SPINK5: variants seen among roughly 807,000 people sequenced by gnomAD.
SPINK5 encodes the protein serine protease inhibitor Kazal-type 5.
In SPINK5, 125 loss-of-function variants were observed where a neutral mutation model predicts 151.8. The ratio of observed to expected loss-of-function variants is 0.82; its 90% CI spans 0.71 to 0.96. SPINK5 has a LOEUF of 0.96. Ranked by LOEUF, SPINK5 falls within the 40% of genes least tolerant of loss-of-function variation. The pLI, the probability that SPINK5 is intolerant of heterozygous loss-of-function variation, is 0.00. For synonymous variants in SPINK5, 374 were observed against 395.3 expected (o/e 0.95, Z 0.64); for missense variants, 1,194 against 1,291.9 (o/e 0.92, Z 1.16).
chr5:148,099,175 G>A lies in SPINK5; in HGVS notation c.1011-59G>A, dbSNP rs1426003563. 2.0e-6 allele frequency: 3 copies of A among 1,480,230 alleles called. No individual in the cohort carries two copies. The African/African-American group carries it at 4.2e-5, about 21-fold the overall frequency. 91.7% of individuals were successfully genotyped at this position (1,480,230 alleles called of 1,614,324 possible). On this transcript the variant is annotated intron_variant, in intron 11 of 32. Coordinates refer to ENST00000256084, the MANE Select transcript of SPINK5 (RefSeq NM_006846.4). The stretch of plus-strand genomic sequence containing the variant: ...GAACAGTTAACAGTGCAAGGATGTG[G>A]AGAAATCATGGCATGTGTTTGTTCC...
At chr5:148,126,222 CT>C (rs2113219137) in intron 29 of SPINK5, among the ~76,000 whole-genome samples, 1 of 152,006 alleles carries the variant, frequency 6.6e-6, no homozygotes, top group Admixed American at 6.6e-5. Flanking sequence ...ATATCAGAAT[CT>C]TGGGGCTATG....
intron 29 of SPINK5, 136 bp from the exon 30 acceptor site, chr5:148,126,847 C>CT: frequency 3.0e-6 from 2 of 674,294 alleles, no homozygotes. Context: ...CAGCCTGGGC[C>CT]TTCCAAAATG....
chr5:148,079,668 T>C (rs2113022670), intron 4 of SPINK5, among the ~76,000 whole-genome samples: 1 of 151,320 alleles, frequency 6.6e-6, no homozygotes, highest in Middle Eastern at 3.4e-3. Flanking sequence ...ATTATCTTAA[T>C]AGATGTTGAA....
At chr5:148,136,412 G>A (rs1242023185) in intron 32 of SPINK5, among the ~76,000 whole-genome samples, 2 of 152,078 alleles carry the variant, frequency 1.3e-5, no homozygotes, top group Non-Finnish European at 2.9e-5. Context: ...TCGTGCCCCA[G>A]GTGGTACTAG....
chr5:148,065,362 A>C lies in SPINK5; in HGVS notation c.71A>C (p.Asn24Thr). 3.1e-6 allele frequency: 5 copies of C among 1,613,596 alleles called. No homozygotes were observed. Among genetic ancestry groups the C allele is most frequent in the Non-Finnish European group, 4.2e-6 (5 of 1,179,810 alleles). The stretch of plus-strand genomic sequence containing the variant: ...TTCATCCCAGATGCTGCCAGTAAGA[A>C]TGAAGATCAGGTTAGTCCTGCTTTT... The part of the protein sequence containing the change: ...LCLIQDAASK[N>T]EDQEMCHEFQ... Residue 24 changes from asparagine to threonine, a missense_variant, in exon 2 of 33, where the codon AAT becomes ACT. Physicochemically the swap from Asn to Thr is moderately conservative, Grantham distance 65. Coordinates refer to ENST00000256084, the MANE Select transcript of SPINK5 (RefSeq NM_006846.4).
intron 4 of SPINK5, among the ~76,000 whole-genome samples, chr5:148,073,678 T>G (rs1015430517): frequency 1.3e-5 from 2 of 151,538 alleles, no homozygotes; most frequent in Non-Finnish European, 2.9e-5. Context: ...AACAAACCTA[T>G]CTAAAAAATA....
chr5:148,091,788 A>T (rs1397915688), intron 8 of SPINK5, among the ~76,000 whole-genome samples: 1 of 151,570 alleles, frequency 6.6e-6, no homozygotes, highest in Non-Finnish European at 1.5e-5. Context: ...AAAAAGACAA[A>T]TTTTTAGAAT....
At chr5:148,128,492 C>A (rs1371601936) in intron 30 of SPINK5, among the ~76,000 whole-genome samples, 3 of 152,024 alleles carry the variant, frequency 2.0e-5, no homozygotes, top group Non-Finnish European at 4.4e-5. Flanking sequence ...TACTGAGCAC[C>A]TGCTATTTTT....
At chr5:148,094,289 T>C in intron 8 of SPINK5, 65 bp from the exon 9 acceptor site, 1 of 1,586,266 alleles carries the variant, frequency 6.3e-7, no homozygotes, top group Non-Finnish European at 8.6e-7. Context: ...AGCAAAATCC[T>C]GTCTCAAAAA....
intron 28 of SPINK5, among the ~76,000 whole-genome samples, chr5:148,125,109 G>A (rs1005585566): frequency 6.6e-6 from 1 of 151,936 alleles, no homozygotes; most frequent in African/African-American, 2.4e-5. Context: ...AAAAGTAGAG[G>A]GTAACATTCT....
At chr5:148,102,144 G>T (rs767044798) in intron 15 of SPINK5, among the ~76,000 whole-genome samples, 3 of 152,120 alleles carry the variant, frequency 2.0e-5, no homozygotes, top group Non-Finnish European at 4.4e-5. Context: ...TATAATGTGT[G>T]ATGTCTCTTA....
At chr5:148,106,891 A>C in intron 16 of SPINK5, 146 bp from the exon 17 acceptor site, 1 of 981,658 alleles carries the variant, frequency 1.0e-6, no homozygotes, top group Non-Finnish European at 1.5e-6. Flanking sequence ...TTGATGACGG[A>C]AGCTTTGTAA....
At position 148,111,890 on chromosome 5, in the gene SPINK5, C is replaced by G; in HGVS notation, c.1815C>G (p.Ala605=). The change falls in exon 19 of 33, where the codon GCC becomes GCG. Residue 605 remains alanine, a synonymous_variant. Coordinates refer to ENST00000256084, the MANE Select transcript of SPINK5 (RefSeq NM_006846.4). ...IHGNTCSMCE[A]FFQQEAKEKE... Reference sequence around the variant, plus strand: ...GCAACACCTGCTCCATGTGTGAAGCCTTCTTGTGAGTGGGCGGCAGCCACT... The same window carrying G: ...GCAACACCTGCTCCATGTGTGAAGCGTTCTTGTGAGTGGGCGGCAGCCACT... 6.2e-7 allele frequency: 1 copy of G among 1,613,940 alleles called. No homozygotes were observed. The highest frequency in any genetic ancestry group is 1.1e-5 in the South Asian group (1 of 91,076).
chr5:148,110,521 TTTAG>T lies in SPINK5; in HGVS notation c.1693-1243_1693-1240del, dbSNP rs572679643. Among the ~76,000 whole-genome samples the T allele has an allele frequency of 1.1e-3, 174 of 152,332 alleles. 4 individuals are homozygous for T. The South Asian group carries it at 0.035, about 30-fold the overall frequency. On this transcript the variant is annotated intron_variant, in intron 18 of 32. Transcript: ENST00000256084. Reference sequence around the variant, plus strand: ...GTTATGCCAACAATTTAAAAAGTATTTTAGTTATATTATTCATTGTATTATAACT... The same window carrying T: ...GTTATGCCAACAATTTAAAAAGTATTTTATATTATTCATTGTATTATAACT...
At chr5:148,121,022 A>T (rs1184425686) in intron 26 of SPINK5, among the ~76,000 whole-genome samples, 1 of 151,036 alleles carries the variant, frequency 6.6e-6, no homozygotes, top group Non-Finnish European at 1.5e-5. Flanking sequence ...GCGGGCGCCT[A>T]TAGTCCCAGC....
rs368959242 is a variant in SPINK5 at position 148,108,817 on chromosome 5, G to T, written c.1672G>T (p.Val558Phe). 14 of 1,612,300 alleles carry T rather than the reference G, an allele frequency of 8.7e-6. No homozygotes were observed. In the African/African-American group the frequency reaches 1.9e-4, roughly 22 times the overall value. ...EEKGKVEAEK[V>F]KREAVQELCS... Reference sequence around the variant, plus strand: ...AAAAGGGAAAGTCGAGGCTGAAAAAGTTAAGAGAGAAGCAGTTCAGGTAGT... The same window carrying T: ...AAAAGGGAAAGTCGAGGCTGAAAAATTTAAGAGAGAAGCAGTTCAGGTAGT... The change falls in exon 18 of 33, where the codon GTT becomes TTT. Residue 558 changes from valine (V) to phenylalanine (F), a missense_variant. Physicochemically the swap from Val to Phe is conservative, Grantham distance 50. Transcript: ENST00000256084.
At chr5:148,081,646 G>GA (rs1167466058) in intron 4 of SPINK5, among the ~76,000 whole-genome samples, 2 of 151,608 alleles carry the variant, frequency 1.3e-5, no homozygotes, top group African/African-American at 4.8e-5. Flanking sequence ...AAGCACAGGG[G>GA]AATCTCGTAG....
At chr5:148,133,350 A>G (rs183549638) in intron 31 of SPINK5, among the ~76,000 whole-genome samples, 1 of 152,308 alleles carries the variant, frequency 6.6e-6, no homozygotes, top group African/African-American at 2.4e-5. Flanking sequence ...CTCCAGTGAG[A>G]GGCATTAAAA....
rs551505387 is a variant in SPINK5 at position 148,113,066 on chromosome 5, A to G, written c.1887+132A>G. On this transcript the variant is annotated intron_variant, in intron 20 of 32. Coordinates refer to ENST00000256084, the MANE Select transcript of SPINK5 (RefSeq NM_006846.4). The stretch of plus-strand genomic sequence containing the variant: ...GTTCATTTAGTCCAGGGGTTGAGAA[A>G]CTTTTTCTTAACAGAACAGATAGCA... 7.0e-6 allele frequency: 10 copies of G among 1,438,214 alleles called. No individual in the cohort carries two copies. In the African/African-American group the frequency reaches 7.1e-5, roughly 10 times the overall value. The allele number at this position is 1,438,214 out of a possible 1,614,324, so 89.1% of individuals were successfully genotyped here.
Sources: gnomAD v4.1 joint callset for allele counts (sites outside exome capture counted in the v4.1 genomes callset) on GRCh38, gnomAD v4.1.1 for gene constraint, MANE v1.5 for transcripts, NCBI Gene and HGNC (gene_info 2026-07-23, HGNC 2026-07-21) for gene names.